SNX9: variants seen among roughly 807,000 people sequenced by gnomAD.
SNX9 encodes the protein sorting nexin-9.
SNX9 carries 44 observed loss-of-function variants against 89.4 expected under a neutral mutation model. The ratio of observed to expected loss-of-function variants is 0.49; its 90% CI spans 0.39 to 0.63. The LOEUF is 0.63. Among genes scored for constraint, SNX9 ranks in the 30% least tolerant of loss-of-function variants. The pLI, the probability that SNX9 is intolerant of heterozygous loss-of-function variation, is 0.00. For missense variants in SNX9, 578 were observed against 736.1 expected (o/e 0.79, Z 2.49); for synonymous variants, 236 against 247.8 (o/e 0.95, Z 0.45).
intron 1 of SNX9, among the ~76,000 whole-genome samples, chr6:157,839,348 T>G (rs777574426): frequency 1.5e-4 from 23 of 152,268 alleles, no homozygotes; most frequent in Admixed American, 1.2e-3. Flanking sequence ...AGAAATTATG[T>G]CTTTTATTAG....
At chr6:157,880,911 AT>A (rs1252885713) in intron 4 of SNX9, among the ~76,000 whole-genome samples, 2 of 152,342 alleles carry the variant, frequency 1.3e-5, no homozygotes, top group Admixed American at 6.5e-5. Flanking sequence ...GAAAAAGTAA[AT>A]GAAAAAAGAG....
chr6:157,924,112 C>T (rs942228412), intron 10 of SNX9, among the ~76,000 whole-genome samples: 2 of 152,024 alleles, frequency 1.3e-5, no homozygotes, highest in African/African-American at 2.4e-5. Flanking sequence ...GCAGGAGAAT[C>T]GTTGGAACCC....
Position 157,909,963 on chromosome 6 carries a change from G to A in SNX9, c.887G>A (p.Arg296His), listed in dbSNP as rs754797629. 13 of 1,614,106 alleles carry A rather than the reference G, an allele frequency of 8.1e-6. No homozygotes were observed. Among genetic ancestry groups the A allele is most frequent in the Non-Finnish European group, 1.1e-5 (13 of 1,180,008 alleles). ...RYKHFDWLYE[R>H]LLVKFGSAIP... ...AAGCACTTTGACTGGTTATATGAGC[G>A]TCTCCTGGTTAAGTTTGGGTCAGCC... Residue 296 changes from arginine to histidine, a missense_variant, in exon 9 of 18, where the codon CGT becomes CAT. By Grantham distance (29) the Arg-to-His change is conservative. This residue lies in a region of SNX9 where 348 missense variants were observed against 491.4 expected (regional missense o/e 0.71). Coordinates refer to ENST00000392185, the MANE Select transcript of SNX9 (RefSeq NM_016224.5).
At chr6:157,843,413 T>A (rs1781741779) in intron 1 of SNX9, among the ~76,000 whole-genome samples, 1 of 152,240 alleles carries the variant, frequency 6.6e-6, no homozygotes, top group African/African-American at 2.4e-5. Context: ...CATACGGTAT[T>A]CTTACAGTAA....
intron 16 of SNX9, among the ~76,000 whole-genome samples, chr6:157,940,419 T>C (rs923230306): frequency 6.6e-6 from 1 of 152,232 alleles, no homozygotes; most frequent in Non-Finnish European, 1.5e-5. Flanking sequence ...TAGCTTGTTT[T>C]GTTTTGTTTG....
chr6:157,899,136 C>T (rs1235784325), intron 5 of SNX9, among the ~76,000 whole-genome samples: 1 of 151,746 alleles, frequency 6.6e-6, no homozygotes, highest in Non-Finnish European at 1.5e-5. Flanking sequence ...GGAGGAGAGC[C>T]CACAGCACCT....
At chr6:157,904,615 G>A (rs766026980) in intron 6 of SNX9, among the ~76,000 whole-genome samples, 3 of 152,042 alleles carry the variant, frequency 2.0e-5, no homozygotes, top group Non-Finnish European at 4.4e-5. Context: ...GGAGACTGAG[G>A]CAGGATAATC....
intron 1 of SNX9, among the ~76,000 whole-genome samples, chr6:157,866,988 G>A (rs146333273): frequency 1.3e-5 from 2 of 152,100 alleles, no homozygotes; most frequent in African/African-American, 4.8e-5. Context: ...TCTCACTGTC[G>A]TGCAGGCTGG....
intron 2 of SNX9, 77 bp downstream of exon 2, chr6:157,867,710 T>G (rs1019691599): frequency 4.2e-6 from 5 of 1,184,758 alleles, no homozygotes; most frequent in Non-Finnish European, 5.9e-6. Context: ...GAACTGTACA[T>G]TCGAGTCTGA....
chr6:157,935,235 A>G (rs981062180), intron 13 of SNX9, among the ~76,000 whole-genome samples: 1 of 152,242 alleles, frequency 6.6e-6, no homozygotes, highest in Non-Finnish European at 1.5e-5. Context: ...TTCAGCTAAT[A>G]AAGAAGGAAT....
At chr6:157,870,235 C>G (rs1477305052) in intron 2 of SNX9, among the ~76,000 whole-genome samples, 1 of 151,506 alleles carries the variant, frequency 6.6e-6, no homozygotes, top group East Asian at 1.9e-4. Flanking sequence ...CACACATCCC[C>G]TCAGACACTC....
chr6:157,936,611 A>G (rs1783930637), intron 14 of SNX9, among the ~76,000 whole-genome samples: 1 of 152,220 alleles, frequency 6.6e-6, no homozygotes, highest in Non-Finnish European at 1.5e-5. Context: ...ATGCTGGCTC[A>G]GATCTGTATG....
intron 12 of SNX9, 51 bp downstream of exon 12, chr6:157,928,753 C>T (rs753989395): frequency 7.2e-7 from 1 of 1,386,718 alleles, no homozygotes; most frequent in Non-Finnish European, 9.7e-7. Context: ...GATGCAGGCT[C>T]AGTTTTATGT....
intron 1 of SNX9, among the ~76,000 whole-genome samples, chr6:157,839,204 T>TGG (rs1239827842): frequency 1.3e-5 from 2 of 152,218 alleles, no homozygotes; most frequent in Admixed American, 1.3e-4. Flanking sequence ...TATATGTGTG[T>TGG]GGGGATGTAT....
chr6:157,896,800 TCTC>T (rs773741608), intron 4 of SNX9, 24 bp from the exon 5 acceptor site: 278 of 1,611,650 alleles, frequency 1.7e-4, no homozygotes, highest in Non-Finnish European at 2.0e-4. Context: ...TCACAAAAAT[TCTC>T]CTTCTTTTTA....
At chr6:157,868,872 T>G (rs1003784276) in intron 2 of SNX9, among the ~76,000 whole-genome samples, 4 of 152,250 alleles carry the variant, frequency 2.6e-5, no homozygotes, top group Non-Finnish European at 4.4e-5. Flanking sequence ...GCTGATTTCG[T>G]GACACTGCCC....
At chr6:157,925,281 C>T (rs1783668418) in intron 10 of SNX9, among the ~76,000 whole-genome samples, 1 of 150,822 alleles carries the variant, frequency 6.6e-6, no homozygotes, top group Admixed American at 6.6e-5. Context: ...TCAATAAATA[C>T]ACATTAAAAC....
intron 1 of SNX9, among the ~76,000 whole-genome samples, chr6:157,855,054 A>AG (rs779672693): frequency 1.3e-5 from 2 of 151,514 alleles, no homozygotes; most frequent in Non-Finnish European, 2.9e-5. Flanking sequence ...TTCTTTCCTC[A>AG]GGGGCAGTGT....
intron 17 of SNX9, among the ~76,000 whole-genome samples, chr6:157,941,721 G>A (rs896944219): frequency 3.9e-5 from 6 of 152,132 alleles, no homozygotes; most frequent in South Asian, 2.1e-4. Context: ...TGGCATCTGC[G>A]AGCTGGACAC....
Sources: gnomAD v4.1 joint callset for allele counts (sites outside exome capture counted in the v4.1 genomes callset) on GRCh38, gnomAD v4.1.1 for gene constraint, gnomAD v4.1.1 regional missense constraint, MANE v1.5 for transcripts, NCBI Gene and HGNC (gene_info 2026-07-23, HGNC 2026-07-21) for gene names.